MICALL1: variants seen among roughly 807,000 people sequenced by gnomAD.
MICALL1 encodes MICAL-like protein 1.
A neutral mutation model predicts 83.7 loss-of-function variants in MICALL1; 61 were observed. The ratio of observed to expected loss-of-function variants is 0.73; its 90% CI spans 0.59 to 0.90. The LOEUF (loss-of-function observed/expected upper bound fraction) is 0.90, where lower values mean the gene tolerates loss of function less well. MICALL1 is among the 40% of genes least tolerant of loss of function. The probability of loss-of-function intolerance (pLI) is 0.00; values close to 1 mark genes in which losing one functional copy is unlikely to be tolerated. For missense variants in MICALL1, 1,066 were observed against 1,152.0 expected (o/e 0.93, Z 1.08); for synonymous variants, 481 against 473.6 (o/e 1.02, Z -0.20).
chr22:37,925,757 G>A lies in MICALL1; in HGVS notation c.1179G>A (p.Gly393=), dbSNP rs765973567. The stretch of plus-strand genomic sequence containing the variant: ...CACTTCCCCCAAGCAGCAGCCCGGG[G>A]CCACCAAGCCAGGACAGCAGGCAGG... ...PAPLPPSSSP[G]PPSQDSRQVE... The change falls in exon 8 of 16, where the codon GGG becomes GGA. Residue 393 remains glycine (G), a synonymous_variant. Transcript: ENST00000215957. 3.1e-6 allele frequency: 5 copies of A among 1,612,782 alleles called. No homozygotes were observed. Among genetic ancestry groups the A allele is most frequent in the Non-Finnish European group, 4.2e-6 (5 of 1,179,890 alleles).
At chr22:37,914,974 A>G (rs1375083010) in intron 3 of MICALL1, among the ~76,000 whole-genome samples, 3 of 149,880 alleles carry the variant, frequency 2.0e-5, no homozygotes, top group Non-Finnish European at 4.4e-5. Flanking sequence ...AAAAGAAAAA[A>G]TAGCCGGGTG....
In MICALL1 at chr22:37,924,906, C is replaced by T. The variant is rs1221742265; in HGVS notation, c.1082+189C>T. Among the ~76,000 whole-genome samples, 2 of 152,152 alleles carry T rather than the reference C, an allele frequency of 1.3e-5. No homozygotes were observed. The highest frequency in any genetic ancestry group is 4.8e-5 in the African/African-American group (2 of 41,424). On this transcript the variant is annotated intron_variant, in intron 7 of 15. Transcript: ENST00000215957. The surrounding 1 kb of genome is among the most constrained non-coding windows in gnomAD (Gnocchi z 5.2). The stretch of plus-strand genomic sequence containing the variant: ...GGGATTCCTGCGGCCAGTGCCTGGC[C>T]CCCTCCCCAGGTCCCTGCTCCTGTG...
At position 37,912,551 on chromosome 22, in the gene MICALL1, C is replaced by G. The variant is rs1428207873; in HGVS notation, c.337+59C>G. 3.4e-6 allele frequency: 5 copies of G among 1,471,100 alleles called. No homozygotes were observed. The African/African-American group carries it at 5.6e-5, about 16-fold the overall frequency. The allele number at this position is 1,471,100 out of a possible 1,614,324, so 91.1% of individuals were successfully genotyped here. On this transcript the variant is annotated intron_variant, in intron 3 of 15. Coordinates refer to ENST00000215957, the MANE Select transcript of MICALL1 (RefSeq NM_033386.4). ...GCCCAGGGGGTGGCCCTGGGGATGT[C>G]TGATGCTTGCTACTGGTTTTCTGAG... is the stretch of plus-strand genomic sequence containing the variant.
chr22:37,937,948 A>G (rs550119549), intron 15 of MICALL1, 156 bp downstream of exon 15: 252 of 905,584 alleles, frequency 2.8e-4, no homozygotes, highest in Non-Finnish European at 3.9e-4. Context: ...GGCTGTGTGT[A>G]GCAAGAGAGG....
rs575509153 is a variant in MICALL1 at position 37,924,702 on chromosome 22, C to T, written c.1067C>T (p.Pro356Leu). Residue 356 changes from proline (P) to leucine (L), a missense_variant, in exon 7 of 16, where the codon CCG becomes CTG. Physicochemically the swap from Pro to Leu is moderately conservative, Grantham distance 98 (BLOSUM62 -3). Coordinates refer to ENST00000215957, the MANE Select transcript of MICALL1 (RefSeq NM_033386.4). The surrounding 1 kb of genome is among the most constrained non-coding windows in gnomAD (Gnocchi z 5.2). The part of the protein sequence containing the change: ...ELPVPKPRGT[P>L]KPSEGTPAPR... ...CCTGTCCCCAAGCCGAGGGGGACACCGAAGCCGTCCGAGGGGTATGTCGAT... is the reference window on the plus strand; with the variant it reads ...CCTGTCCCCAAGCCGAGGGGGACACTGAAGCCGTCCGAGGGGTATGTCGAT... The T allele has an allele frequency of 1.6e-5, 25 of 1,612,054 alleles. No homozygotes were observed. The highest frequency in any genetic ancestry group is 1.2e-4 in the African/African-American group (9 of 74,986).
chr22:37,933,551 G>C (rs1032301338), intron 13 of MICALL1, among the ~76,000 whole-genome samples: 1 of 152,128 alleles, frequency 6.6e-6, no homozygotes, highest in African/African-American at 2.4e-5. Flanking sequence ...CCACGTCCTC[G>C]GGTGTTCTTG....
chr22:37,935,361 C>T (rs1038412402), intron 13 of MICALL1, among the ~76,000 whole-genome samples: 7 of 151,784 alleles, frequency 4.6e-5, no homozygotes, highest in Admixed American at 2.6e-4. Flanking sequence ...CCTGGGTTTA[C>T]GCCATTCTCC....
At chr22:37,938,129 C>A (rs923743145) in intron 15 of MICALL1, among the ~76,000 whole-genome samples, 2 of 152,010 alleles carry the variant, frequency 1.3e-5, no homozygotes, top group African/African-American at 4.8e-5. Context: ...AGTCCGTGGG[C>A]CCAAATAGCA....
At chr22:37,927,027 G>C (rs1370265682) in intron 8 of MICALL1, 2 of 270,936 alleles carry the variant, frequency 7.4e-6, no homozygotes, top group Non-Finnish European at 1.4e-5. Flanking sequence ...GCCTGTCCCA[G>C]AGCTGGTGGC....
In MICALL1 at chr22:37,937,169, A is replaced by C; in HGVS notation, c.2398A>C (p.Asn800His). The change falls in exon 14 of 16, where the codon AAC (asparagine) becomes CAC (histidine). Residue 800 changes from asparagine to histidine, a missense_variant. Asn to His is a moderately conservative substitution (Grantham distance 68). Coordinates refer to ENST00000215957, the MANE Select transcript of MICALL1 (RefSeq NM_033386.4). Reference protein sequence around the residue: ...TLIEQRNAIINCLDEDRQREE... With the variant: ...TLIEQRNAIIHCLDEDRQREE... ...CATTGAGCAGCGCAACGCTATCATC[A>C]ACTGCCTGGATGAGGACCGGCAGAG... is the stretch of plus-strand genomic sequence containing the variant. The C allele has an allele frequency of 6.4e-7, 1 of 1,551,422 alleles. No homozygotes were observed. Among genetic ancestry groups the C allele is most frequent in the Non-Finnish European group, 8.7e-7 (1 of 1,146,878 alleles).
rs557343465 is a variant in MICALL1, at chr22:37,911,069, C to T, written c.147-883C>T. On this transcript the variant is annotated intron_variant, in intron 1 of 15. Coordinates refer to ENST00000215957, the MANE Select transcript of MICALL1 (RefSeq NM_033386.4). ...ACTGAGCTGTCTCTGCTGGTTTCAG[C>T]GGCCTGGAGTGGGGAGGGAGGAGGG... Among the ~76,000 whole-genome samples the T allele has an allele frequency of 1.7e-4, 26 of 152,176 alleles. No homozygotes were observed. In the East Asian group the frequency reaches 2.7e-3, roughly 16 times the overall value.
chr22:37,936,063 C>T (rs1471460420), intron 13 of MICALL1, among the ~76,000 whole-genome samples: 2 of 152,216 alleles, frequency 1.3e-5, no homozygotes, highest in Middle Eastern at 3.4e-3. Context: ...AAGCCTGTGG[C>T]GGTAGATGTT....
chr22:37,922,786 GTTTTTTTTTGTTT>G lies in MICALL1; in HGVS notation c.1024+370_1024+382del, dbSNP rs1344676729. Among the ~76,000 whole-genome samples, 7 of 83,998 alleles carry G rather than the reference GTTTTTTTTTGTTT, an allele frequency of 8.3e-5. No homozygotes were observed. The East Asian group carries it at 2.5e-3, about 30-fold the overall frequency. 55.1% of individuals were successfully genotyped at this position (83,998 alleles called of 152,430 possible). A position where few individuals can be genotyped will look rare whatever the true frequency, so the allele number is the denominator to read the frequency against. ...CACCATGCCCAGCTAATTTTGTTTT[GTTTTTTTTTGTTT>G]TTTTTTTTTTTTTTTTTTAGTAGAG... On this transcript the variant is annotated intron_variant, in intron 6 of 15. Coordinates refer to ENST00000215957, the MANE Select transcript of MICALL1 (RefSeq NM_033386.4).
rs781000818 is a variant in MICALL1, at chr22:37,922,116, G to GCAGCAGCAC, written c.723_731dup (p.His241_Gln243dup). 62 of 1,613,182 alleles carry GCAGCAGCAC rather than the reference G, an allele frequency of 3.8e-5. No individual in the cohort carries two copies. On this transcript the variant is annotated inframe_insertion, in exon 6 of 16. Coordinates refer to ENST00000215957, the MANE Select transcript of MICALL1 (RefSeq NM_033386.4). ...GGCCTGGGCCCTTCTCACAGCCAAA[G>GCAGCAGCAC]CAGCAGCACCAGCAGCAACTCGCAG...
At chr22:37,919,204 C>A in intron 5 of MICALL1, 26 bp downstream of exon 5, 1 of 1,494,980 alleles carries the variant, frequency 6.7e-7, no homozygotes, top group South Asian at 1.3e-5. Flanking sequence ...CGCGTGTTAC[C>A]CCCGAAACCA....
chr22:37,937,682 C>T, intron 14 of MICALL1, 64 bp from the exon 15 acceptor site: 1 of 1,581,228 alleles, frequency 6.3e-7, no homozygotes, highest in Non-Finnish European at 8.6e-7. Flanking sequence ...CCTTGGCCTC[C>T]CAAAGTGCTG....
At chr22:37,934,132 C>T (rs564764629) in intron 13 of MICALL1, among the ~76,000 whole-genome samples, 160 of 152,354 alleles carry the variant, frequency 1.1e-3, no homozygotes, top group African/African-American at 3.6e-3. Flanking sequence ...CCTGGCTAGC[C>T]CGGCCCCAGG....
Position 37,932,654 on chromosome 22 carries a change from G to A in MICALL1, c.2118G>A (p.Glu706=), listed in dbSNP as rs759833154. The part of the protein sequence containing the change: ...DALEHRGVLL[E]EKLRGGLNEG... ...TGGAGCACCGTGGGGTGCTGCTGGAGGAGAAGCTGCGTGGCGGCCTGAATG... is the reference window on the plus strand; with the variant it reads ...TGGAGCACCGTGGGGTGCTGCTGGAAGAGAAGCTGCGTGGCGGCCTGAATG... Residue 706 remains glutamate (E), a synonymous_variant, in exon 11 of 16, where the codon GAG becomes GAA. Coordinates refer to ENST00000215957, the MANE Select transcript of MICALL1 (RefSeq NM_033386.4). This position sits in a 1 kb window ranked among gnomAD's most constrained non-coding sequence, Gnocchi z 4.4. The A allele has an allele frequency of 1.1e-5, 17 of 1,614,052 alleles. No homozygotes were observed. The East Asian group carries it at 3.1e-4, about 30-fold the overall frequency.
rs1930388036 is a variant in MICALL1, at chr22:37,940,712, T to A, written c.2474T>A (p.Phe825Tyr). ...MLEAMIKKKE[F>Y]QREAEPEGKK... ...TGCTCCCCTCTCTGTGCTGCAGAGTTCCAGAGGGAGGCTGAACCTGAGGGC... is the reference window on the plus strand; with the variant it reads ...TGCTCCCCTCTCTGTGCTGCAGAGTACCAGAGGGAGGCTGAACCTGAGGGC... The change falls in exon 16 of 16, where the codon TTC (phenylalanine) becomes TAC (tyrosine). Residue 825 changes from phenylalanine (F) to tyrosine (Y), a missense_variant. Phe to Tyr is a conservative substitution (Grantham distance 22). Coordinates refer to ENST00000215957, the MANE Select transcript of MICALL1 (RefSeq NM_033386.4). 1 of 1,613,842 alleles carries A rather than the reference T, an allele frequency of 6.2e-7. No homozygotes were observed.
Sources: gnomAD v4.1 joint callset for allele counts (sites outside exome capture counted in the v4.1 genomes callset) on GRCh38, gnomAD v4.1.1 for gene constraint, Gnocchi (gnomAD v3.1) non-coding constraint, MANE v1.5 for transcripts, NCBI Gene and HGNC (gene_info 2026-07-23, HGNC 2026-07-21) for gene names.